The following GRM1 variants were observed in gnomAD, a reference collection of about 807,000 sequenced individuals.
The protein encoded by GRM1 is metabotropic glutamate receptor 1.
Under a neutral mutation model 90.9 loss-of-function variants are expected in GRM1, and 33 were observed. That is an observed-to-expected ratio of 0.36 (90% CI 0.28 to 0.49). GRM1 has a LOEUF of 0.49. Among genes scored for constraint, GRM1 ranks in the 20% least tolerant of loss-of-function variants. GRM1 has a pLI of 0.99. For missense variants in GRM1, 1,190 were observed against 1,534.3 expected, an observed-to-expected ratio of 0.78 and a Z score of 3.75; for synonymous variants, 700 against 613.2, an observed-to-expected ratio of 1.14 and a Z score of -2.09.
intron 5 of GRM1, among the ~76,000 whole-genome samples, chr6:146,372,502 C>T (rs181070558): frequency 2.0e-5 from 3 of 152,118 alleles, no homozygotes; most frequent in Admixed American, 2.0e-4. Context: ...CTTTGGATGC[C>T]TATGCTTGTG....
At chr6:146,034,803 A>C (rs1444258266) in intron 1 of GRM1, among the ~76,000 whole-genome samples, 5 of 152,028 alleles carry the variant, frequency 3.3e-5, no homozygotes, top group Admixed American at 1.3e-4. Flanking sequence ...GCAAATGTAT[A>C]AATGGCTATA....
At chr6:146,037,615 C>T (rs945416138) in intron 1 of GRM1, among the ~76,000 whole-genome samples, 3 of 151,912 alleles carry the variant, frequency 2.0e-5, no homozygotes, top group South Asian at 2.1e-4. Flanking sequence ...TCTGAAAACT[C>T]ACTCTGCTGT....
chr6:146,318,408 G>A (rs560594962), intron 3 of GRM1, among the ~76,000 whole-genome samples: 20 of 152,248 alleles, frequency 1.3e-4, no homozygotes, highest in Non-Finnish European at 2.6e-4. Context: ...TATCATTGAT[G>A]GGCATTTGGG....
intron 7 of GRM1, among the ~76,000 whole-genome samples, chr6:146,423,303 A>C (rs1778069501): frequency 6.6e-6 from 1 of 152,178 alleles, no homozygotes; most frequent in Non-Finnish European, 1.5e-5. Context: ...CAGTTGATAA[A>C]ATGGCCACTC....
chr6:146,303,211 C>T (rs950577261), intron 2 of GRM1, among the ~76,000 whole-genome samples: 1 of 152,170 alleles, frequency 6.6e-6, no homozygotes, highest in Non-Finnish European at 1.5e-5. Context: ...GATATGGTCA[C>T]TAATGTTTGC....
intron 1 of GRM1, among the ~76,000 whole-genome samples, chr6:146,076,313 T>C (rs1366991446): frequency 6.6e-6 from 1 of 152,156 alleles, no homozygotes; most frequent in Non-Finnish European, 1.5e-5. Context: ...GGATTTGATT[T>C]ATGTCTTAAA....
intron 1 of GRM1, among the ~76,000 whole-genome samples, chr6:146,130,535 A>T (rs996514725): frequency 2.6e-5 from 4 of 152,254 alleles, no homozygotes; most frequent in African/African-American, 9.6e-5. Flanking sequence ...CTGTGCTAAG[A>T]TTTAAAGAAA....
At chr6:146,377,645 C>A (rs1179839072) in intron 5 of GRM1, among the ~76,000 whole-genome samples, 4 of 152,094 alleles carry the variant, frequency 2.6e-5, no homozygotes, top group African/African-American at 4.8e-5. Context: ...AAGCTGACTG[C>A]AGAAGTTTGC....
At chr6:146,070,094 G>T (rs534311874) in intron 1 of GRM1, among the ~76,000 whole-genome samples, 18 of 152,252 alleles carry the variant, frequency 1.2e-4, no homozygotes, top group Admixed American at 1.1e-3. Context: ...GAACCTGGTT[G>T]CTGCCCTTGG....
intron 3 of GRM1, among the ~76,000 whole-genome samples, chr6:146,351,071 G>A (rs362872): frequency 0.012 from 1,888 of 152,132 alleles, 41 homozygotes; most frequent in African/African-American, 0.044. Flanking sequence ...ACTCTTTACC[G>A]TTTCTTCTAA....
intron 2 of GRM1, among the ~76,000 whole-genome samples, chr6:146,237,520 T>G (rs1780696408): frequency 6.6e-6 from 1 of 152,156 alleles, no homozygotes; most frequent in Admixed American, 6.6e-5. Flanking sequence ...TTTTTATGAA[T>G]AATTGTTTAT....
At chr6:146,338,290 G>T (rs575950454) in intron 3 of GRM1, among the ~76,000 whole-genome samples, 2 of 152,184 alleles carry the variant, frequency 1.3e-5, no homozygotes, top group Non-Finnish European at 2.9e-5. Flanking sequence ...AGGCTCAAAG[G>T]TTCCTAAGAC....
At chr6:146,128,771 G>A (rs1776286587) in intron 1 of GRM1, among the ~76,000 whole-genome samples, 1 of 152,110 alleles carries the variant, frequency 6.6e-6, no homozygotes, top group African/African-American at 2.4e-5. Flanking sequence ...GGTGTTTCCA[G>A]AGGTAAACTT....
At chr6:146,141,914 G>A (rs922719892) in intron 1 of GRM1, among the ~76,000 whole-genome samples, 3 of 152,130 alleles carry the variant, frequency 2.0e-5, no homozygotes, top group Admixed American at 1.3e-4. Flanking sequence ...ATTTGGTGAG[G>A]TTATGTTTTC....
Position 146,377,085 on chromosome 6 carries a change from G to A in GRM1, c.1603-9805G>A, listed in dbSNP as rs186889452. 1.3e-3 allele frequency among the ~76,000 whole-genome samples: 201 copies of A among 152,128 alleles called. 1 individual carries two copies. Among genetic ancestry groups the A allele is most frequent in the Non-Finnish European group, 9.9e-4 (67 of 67,994 alleles). On this transcript the variant is annotated intron_variant, in intron 5 of 7. Coordinates refer to ENST00000282753, the MANE Select transcript of GRM1 (RefSeq NM_001278064.2). ...GAGGCCTCCCCAGCCATGTTGCAGT[G>A]GGAGTCCTTTAAACCTTTTTCCTTT...
chr6:146,049,933 T>G (rs1341896444), intron 1 of GRM1, among the ~76,000 whole-genome samples: 1 of 151,954 alleles, frequency 6.6e-6, no homozygotes, highest in Non-Finnish European at 1.5e-5. Flanking sequence ...AGGTAAAAAG[T>G]GGCAGACGCA....
chr6:146,166,986 A>G (rs979327827), intron 2 of GRM1, among the ~76,000 whole-genome samples: 2 of 152,170 alleles, frequency 1.3e-5, no homozygotes, highest in Non-Finnish European at 2.9e-5. Context: ...AACTCTACGC[A>G]GTGACATAAG....
At chr6:146,343,774 G>A (rs898813083) in intron 3 of GRM1, among the ~76,000 whole-genome samples, 6 of 151,776 alleles carry the variant, frequency 4.0e-5, no homozygotes, top group Admixed American at 1.3e-4. Context: ...GGATTCAAGC[G>A]ATTTCTGGCT....
intron 1 of GRM1, among the ~76,000 whole-genome samples, chr6:146,034,174 G>T (rs1459334715): frequency 6.6e-6 from 1 of 152,010 alleles, no homozygotes; most frequent in Non-Finnish European, 1.5e-5. Context: ...AATTTCACCT[G>T]ACTTTTAGTC....
Sources: allele counts gnomAD v4.1 joint callset (sites outside exome capture counted in the v4.1 genomes callset), GRCh38; gene constraint gnomAD v4.1.1; transcripts MANE v1.5; gene names NCBI Gene and HGNC (gene_info 2026-07-23, HGNC 2026-07-21).